ASAP1: variants seen among roughly 807,000 people sequenced by gnomAD.
ASAP1 encodes the protein arf-GAP with SH3 domain, ANK repeat and PH domain-containing protein 1.
A neutral mutation model predicts 145.2 loss-of-function variants in ASAP1; 43 were observed. The ratio of observed to expected loss-of-function variants is 0.30; its 90% CI spans 0.23 to 0.38. ASAP1 has a LOEUF of 0.38. Ranked by LOEUF, ASAP1 falls within the 10% of genes least tolerant of loss-of-function variation. The pLI is 1.00. For missense variants in ASAP1, 1,018 were observed against 1,355.3 expected, an observed-to-expected ratio of 0.75 and a Z score of 3.91; for synonymous variants, 546 against 515.5, an observed-to-expected ratio of 1.06 and a Z score of -0.80.
At chr8:130,393,616 C>T (rs1254640980) in intron 2 of ASAP1, among the ~76,000 whole-genome samples, 3 of 152,124 alleles carry the variant, frequency 2.0e-5, no homozygotes, top group Non-Finnish European at 4.4e-5. Context: ...ATTAGCCAGG[C>T]ATGGTGGCAC....
intron 1 of ASAP1, among the ~76,000 whole-genome samples, chr8:130,430,392 A>G (rs1385571408): frequency 2.0e-5 from 3 of 152,158 alleles, no homozygotes; most frequent in Non-Finnish European, 4.4e-5. Flanking sequence ...AAGGCAAGTT[A>G]TCTCCATTTC....
chr8:130,115,263 A>C (rs909057814), intron 23 of ASAP1, among the ~76,000 whole-genome samples: 1 of 152,198 alleles, frequency 6.6e-6, no homozygotes, highest in African/African-American at 2.4e-5. Flanking sequence ...AGGTCCCCCA[A>C]AGGGTAAGGA....
intron 27 of ASAP1, among the ~76,000 whole-genome samples, chr8:130,072,858 T>C: frequency 1.2e-5 from 1 of 85,554 alleles, no homozygotes; most frequent in Non-Finnish European, 2.4e-5. Flanking sequence ...GGGACTGAGC[T>C]CTCACCCGGT....
intron 18 of ASAP1, among the ~76,000 whole-genome samples, chr8:130,122,548 T>C (rs2097568137): frequency 6.6e-6 from 1 of 152,226 alleles, no homozygotes. Context: ...GCACTTTTTA[T>C]TCAAGCCCCT....
chr8:130,318,967 T>TC (rs1823837997), intron 3 of ASAP1, among the ~76,000 whole-genome samples: 1 of 152,248 alleles, frequency 6.6e-6, no homozygotes, highest in Non-Finnish European at 1.5e-5. Context: ...AATTAAAAGC[T>TC]AGGAGTCTGC....
At chr8:130,403,380 A>G (rs1384480651) in intron 1 of ASAP1, among the ~76,000 whole-genome samples, 1 of 152,006 alleles carries the variant, frequency 6.6e-6, no homozygotes, top group Non-Finnish European at 1.5e-5. Flanking sequence ...CACAAATTTG[A>G]TTGTGTCATC....
At chr8:130,073,117 T>C (rs766493240) in intron 27 of ASAP1, among the ~76,000 whole-genome samples, 1 of 150,772 alleles carries the variant, frequency 6.6e-6, no homozygotes, top group Non-Finnish European at 1.5e-5. Flanking sequence ...AATACTTTGG[T>C]AGGAGATAGA....
At position 130,093,686 on chromosome 8, in the gene ASAP1, A is replaced by AAAAAAAAAAAAAAAAAAAAAG. The variant is rs767063471; in HGVS notation, c.2402-1544_2402-1543insCTTTTTTTTTTTTTTTTTTTT. Among the ~76,000 whole-genome samples, 17 of 131,990 alleles carry AAAAAAAAAAAAAAAAAAAAAG rather than the reference A, an allele frequency of 1.3e-4. 2 individuals carry two copies. The highest frequency in any genetic ancestry group is 5.2e-4 in the African/African-American group (16 of 30,556). 86.6% of individuals were successfully genotyped at this position (131,990 alleles called of 152,430 possible). A position where few individuals can be genotyped will look rare whatever the true frequency, so the allele number is the denominator to read the frequency against. ...CGTCTCAAAAAAAAAAAAAAAAAAA[A>AAAAAAAAAAAAAAAAAAAAAG]AAAGAAAGCTAAGAACACTGCCACA... On this transcript the variant is annotated intron_variant, in intron 24 of 29. Coordinates refer to ENST00000518721, the MANE Select transcript of ASAP1 (RefSeq NM_018482.4).
intron 3 of ASAP1, among the ~76,000 whole-genome samples, chr8:130,239,061 T>C (rs1045526848): frequency 4.6e-5 from 7 of 152,088 alleles, no homozygotes; most frequent in African/African-American, 1.7e-4. Context: ...AAAACCAGGA[T>C]CACTTACCAT....
chr8:130,151,001 T>C (rs969547152), intron 13 of ASAP1, among the ~76,000 whole-genome samples: 1 of 152,122 alleles, frequency 6.6e-6, no homozygotes, highest in Non-Finnish European at 1.5e-5. Context: ...TATAAGAAAA[T>C]AAAAATTATC....
chr8:130,240,736 T>C (rs1245588902), intron 3 of ASAP1, among the ~76,000 whole-genome samples: 2 of 152,124 alleles, frequency 1.3e-5, no homozygotes, highest in Admixed American at 6.6e-5. Flanking sequence ...ATTATTACAT[T>C]CTCTTTAACA....
chr8:130,420,404 A>T (rs936997608), intron 1 of ASAP1, among the ~76,000 whole-genome samples: 1 of 152,128 alleles, frequency 6.6e-6, no homozygotes, highest in Non-Finnish European at 1.5e-5. Context: ...ATGACCCAGC[A>T]CCTCCACTCC....
intron 1 of ASAP1, among the ~76,000 whole-genome samples, chr8:130,442,164 A>C (rs1411666257): frequency 6.6e-6 from 1 of 152,220 alleles, no homozygotes; most frequent in Non-Finnish European, 1.5e-5. Flanking sequence ...TTAACAGGAC[A>C]GAAGAGAAGG....
chr8:130,194,514 G>A (rs1815349449), intron 5 of ASAP1, among the ~76,000 whole-genome samples: 2 of 152,136 alleles, frequency 1.3e-5, no homozygotes, highest in South Asian at 4.1e-4. Flanking sequence ...AATTTCCTGT[G>A]TTTTCACTTC....
At chr8:130,314,068 G>C (rs756207141) in intron 3 of ASAP1, among the ~76,000 whole-genome samples, 8 of 152,174 alleles carry the variant, frequency 5.3e-5, no homozygotes, top group Non-Finnish European at 1.2e-4. Context: ...CATTATAAAT[G>C]AAAGTCTAGA....
At chr8:130,377,237 G>T (rs186105882) in intron 2 of ASAP1, among the ~76,000 whole-genome samples, 11 of 152,044 alleles carry the variant, frequency 7.2e-5, no homozygotes, top group Non-Finnish European at 1.6e-4. Flanking sequence ...GGGTAGGAAG[G>T]GGGTGAGGAA....
At chr8:130,436,992 C>T (rs866523395) in intron 1 of ASAP1, among the ~76,000 whole-genome samples, 6 of 151,388 alleles carry the variant, frequency 4.0e-5, no homozygotes, top group Admixed American at 2.6e-4. Context: ...GTAATCCCAG[C>T]TACTCAGGAG....
chr8:130,308,680 TGACA>T (rs1251664725), intron 3 of ASAP1, among the ~76,000 whole-genome samples: 1 of 152,218 alleles, frequency 6.6e-6, no homozygotes. Context: ...TCTATATTTT[TGACA>T]GACATAAAAC....
At chr8:130,090,385 G>T (rs138659614) in intron 25 of ASAP1, among the ~76,000 whole-genome samples, 28 of 152,282 alleles carry the variant, frequency 1.8e-4, no homozygotes, top group African/African-American at 6.7e-4. Flanking sequence ...TGGGGGAAAG[G>T]CCTTTTTGAT....
Sources: allele counts gnomAD v4.1 joint callset (sites outside exome capture counted in the v4.1 genomes callset), GRCh38; gene constraint gnomAD v4.1.1; transcripts MANE v1.5; gene names NCBI Gene and HGNC (gene_info 2026-07-23, HGNC 2026-07-21).